The following FHIT variants were observed in gnomAD, a reference collection of about 807,000 sequenced individuals.
FHIT encodes fragile histidine triad diadenosine triphosphatase.
Under a neutral mutation model 17.9 loss-of-function variants are expected in FHIT, and 19 were observed. That is an observed-to-expected ratio of 1.06 (90% confidence interval 0.74 to 1.56). The LOEUF (loss-of-function observed/expected upper bound fraction) is 1.56. FHIT is among the 40% of genes most tolerant of loss of function. The pLI, the probability that FHIT is intolerant of heterozygous loss-of-function variation, is 0.00. For missense variants in FHIT, 248 were observed against 189.2 expected, an observed-to-expected ratio of 1.31 and a Z score of -1.82; for synonymous variants, 81 against 69.7, an observed-to-expected ratio of 1.16 and a Z score of -0.81.
chr3:60,529,892 T>C (rs968794089), intron 5 of FHIT, among the ~76,000 whole-genome samples: 1 of 152,096 alleles, frequency 6.6e-6, no homozygotes, highest in Non-Finnish European at 1.5e-5. Flanking sequence ...TCCCCCAGCA[T>C]ACATACACAT....
chr3:59,912,591 C>G (rs964655965), intron 8 of FHIT, among the ~76,000 whole-genome samples: 2 of 152,076 alleles, frequency 1.3e-5, no homozygotes, highest in Non-Finnish European at 2.9e-5. Flanking sequence ...CCAAGATTAA[C>G]AGAGAAGCCA....
chr3:60,389,178 A>G (rs893729649), intron 5 of FHIT, among the ~76,000 whole-genome samples: 2 of 152,142 alleles, frequency 1.3e-5, no homozygotes, highest in Admixed American at 1.3e-4. Flanking sequence ...GTGTCTTAGA[A>G]ATGTGTATTC....
At chr3:59,838,264 T>G (rs1352970313) in intron 8 of FHIT, among the ~76,000 whole-genome samples, 1 of 152,186 alleles carries the variant, frequency 6.6e-6, no homozygotes, top group African/African-American at 2.4e-5. Flanking sequence ...CAGACAAACC[T>G]GCCTGAAACC....
chr3:59,907,035 A>G (rs921215726), intron 8 of FHIT, among the ~76,000 whole-genome samples: 2 of 152,230 alleles, frequency 1.3e-5, no homozygotes, highest in Non-Finnish European at 2.9e-5. Flanking sequence ...AAAGTATCAG[A>G]GCTGAAAGCA....
chr3:60,331,584 C>T (rs1039242043), intron 5 of FHIT, among the ~76,000 whole-genome samples: 4 of 152,148 alleles, frequency 2.6e-5, no homozygotes, highest in Non-Finnish European at 4.4e-5. Flanking sequence ...TGGTGGCTTG[C>T]GCCTGTAATC....
intron 5 of FHIT, among the ~76,000 whole-genome samples, chr3:60,367,151 TG>T (rs1440303261): frequency 1.3e-5 from 2 of 152,234 alleles, no homozygotes; most frequent in Non-Finnish European, 2.9e-5. Flanking sequence ...GATAATGGGC[TG>T]GCCCTTTGAT....
chr3:60,009,965 T>A (rs1004994050), intron 7 of FHIT, among the ~76,000 whole-genome samples: 3 of 152,240 alleles, frequency 2.0e-5, no homozygotes, highest in Admixed American at 6.5e-5. Flanking sequence ...GCACCTATTA[T>A]CATTCTGTGC....
chr3:59,904,953 G>A lies in FHIT; in HGVS notation c.348+17393C>T, dbSNP rs576622955. On this transcript the variant is annotated intron_variant, in intron 8 of 9. Coordinates refer to ENST00000492590, the MANE Select transcript of FHIT (RefSeq NM_002012.4). ...AGTGTAGAAAACCAATTAGGAAAGC[G>A]CAGGTATATGTAAAACAGGTGAAGG... Among the ~76,000 whole-genome samples, 20 of 152,314 alleles carry A rather than the reference G, an allele frequency of 1.3e-4. No homozygotes were observed. The East Asian group carries it at 2.9e-3, about 22-fold the overall frequency.
intron 4 of FHIT, among the ~76,000 whole-genome samples, chr3:60,600,267 T>C (rs1304471513): frequency 1.3e-5 from 2 of 152,046 alleles, no homozygotes; most frequent in Admixed American, 6.5e-5. Flanking sequence ...ACCTCTTTTT[T>C]CCATAAGTTA....
chr3:60,483,200 C>T (rs999831268), intron 5 of FHIT, among the ~76,000 whole-genome samples: 2 of 151,864 alleles, frequency 1.3e-5, no homozygotes, highest in Non-Finnish European at 2.9e-5. Context: ...GTCTACTGAC[C>T]AAAAAAAGCC....
intron 7 of FHIT, among the ~76,000 whole-genome samples, chr3:59,988,360 C>T (rs1349509824): frequency 6.6e-6 from 1 of 152,076 alleles, no homozygotes; most frequent in Non-Finnish European, 1.5e-5. Flanking sequence ...TCTCTCACCT[C>T]TTATGCCCTG....
chr3:60,050,889 G>A (rs78919262), intron 5 of FHIT, among the ~76,000 whole-genome samples: 1 of 152,182 alleles, frequency 6.6e-6, no homozygotes, highest in East Asian at 1.9e-4. Flanking sequence ...TAAGGCCCAG[G>A]GGATTACTCT....
chr3:60,047,368 C>T (rs1701695730), intron 5 of FHIT, among the ~76,000 whole-genome samples: 1 of 152,142 alleles, frequency 6.6e-6, no homozygotes, highest in African/African-American at 2.4e-5. Flanking sequence ...CTTCCAAATG[C>T]ATATGGACAT....
At chr3:60,305,600 T>A (rs1708634851) in intron 5 of FHIT, among the ~76,000 whole-genome samples, 1 of 152,142 alleles carries the variant, frequency 6.6e-6, no homozygotes, top group African/African-American at 2.4e-5. Flanking sequence ...TTGTGAATAT[T>A]AATAAATTAA....
chr3:61,229,291 ATG>A (rs1435748584), intron 1 of FHIT, among the ~76,000 whole-genome samples: 1 of 152,182 alleles, frequency 6.6e-6, no homozygotes, highest in Non-Finnish European at 1.5e-5. Context: ...AGAAGGCCAA[ATG>A]AAGCAAACAG....
intron 3 of FHIT, among the ~76,000 whole-genome samples, chr3:60,922,012 G>A (rs574114073): frequency 6.6e-6 from 1 of 152,322 alleles, no homozygotes; most frequent in East Asian, 1.9e-4. Flanking sequence ...ACTGCCTGCA[G>A]CAGGGAGATA....
chr3:60,852,755 G>T (rs976621763), intron 3 of FHIT, among the ~76,000 whole-genome samples: 1 of 151,984 alleles, frequency 6.6e-6, no homozygotes, highest in African/African-American at 2.4e-5. Context: ...TGTAATCTCA[G>T]TACTTTGGGA....
chr3:60,865,685 T>A (rs1704126663), intron 3 of FHIT, among the ~76,000 whole-genome samples: 1 of 152,170 alleles, frequency 6.6e-6, no homozygotes, highest in Non-Finnish European at 1.5e-5. Context: ...ATATCTGTTA[T>A]GCTACTTAAG....
intron 5 of FHIT, among the ~76,000 whole-genome samples, chr3:60,412,857 A>G (rs1379934648): frequency 1.3e-5 from 2 of 152,110 alleles, no homozygotes; most frequent in Non-Finnish European, 2.9e-5. Flanking sequence ...ATCATAAGTA[A>G]GTTATCAGGA....
Sources: gnomAD v4.1 joint callset for allele counts (sites outside exome capture counted in the v4.1 genomes callset) on GRCh38, gnomAD v4.1.1 for gene constraint, MANE v1.5 for transcripts, NCBI Gene and HGNC (gene_info 2026-07-23, HGNC 2026-07-21) for gene names.